Variants in MEFV observed in about 807,000 individuals in gnomAD.
The protein encoded by MEFV is MEFV innate immunity regulator, pyrin.
A neutral mutation model predicts 62.5 loss-of-function variants in MEFV; 60 were observed. The ratio of observed to expected loss-of-function variants is 0.96; its 90% CI spans 0.78 to 1.19. The LOEUF (loss-of-function observed/expected upper bound fraction) is 1.19. Among genes scored for constraint, MEFV ranks in the 50% most tolerant of loss-of-function variants. The pLI is 0.00. For missense variants in MEFV, 1,169 were observed against 1,004.5 expected, an observed-to-expected ratio of 1.16 and a Z score of -2.21; for synonymous variants, 500 against 415.2, an observed-to-expected ratio of 1.20 and a Z score of -2.48.
At chr16:3,248,253 C>A (rs1958974808) in intron 4 of MEFV, among the ~76,000 whole-genome samples, 1 of 151,634 alleles carries the variant, frequency 6.6e-6, no homozygotes, top group African/African-American at 2.4e-5. Flanking sequence ...AGCGAGACTC[C>A]ATCTTGGAAA....
chr16:3,249,790 T>A lies in MEFV; in HGVS notation c.911-10A>T, dbSNP rs762353271. ...GTGTCTGGTGGCCTTCCTGGGGACA[T>A]GCAGTGGAAAAACCCCCTGAATGGC... is the stretch of plus-strand genomic sequence containing the variant. On this transcript the variant is annotated splice_polypyrimidine_tract_variant and intron_variant, in intron 2 of 9. Transcript: ENST00000219596. 6.2e-7 allele frequency: 1 copy of A among 1,611,934 alleles called. No homozygotes were observed. The highest frequency in any genetic ancestry group is 1.1e-5 in the South Asian group (1 of 90,768).
intron 2 of MEFV, among the ~76,000 whole-genome samples, chr16:3,253,822 A>G (rs1308932321): frequency 6.6e-6 from 1 of 151,908 alleles, no homozygotes; most frequent in Admixed American, 6.6e-5. Context: ...GCGTGCCACT[A>G]TTGTATTTTG....
chr16:3,251,483 C>G (rs934534839), intron 2 of MEFV, among the ~76,000 whole-genome samples: 1 of 152,168 alleles, frequency 6.6e-6, no homozygotes, highest in Non-Finnish European at 1.5e-5. Flanking sequence ...GCCCACGGAT[C>G]TGCCTGGGAC....
Position 3,254,183 on chromosome 16 carries a change from A to C in MEFV, c.885T>G (p.Pro295=). 1 of 1,614,208 alleles carries C rather than the reference A, an allele frequency of 6.2e-7. No individual in the cohort carries two copies. Among genetic ancestry groups the C allele is most frequent in the Non-Finnish European group, 8.5e-7 (1 of 1,180,032 alleles). The change falls in exon 2 of 10, where the codon CCT becomes CCG. Residue 295 remains proline (P), a synonymous_variant. Coordinates refer to ENST00000219596, the MANE Select transcript of MEFV (RefSeq NM_000243.3). ...CGGTGACCGAATGTTCTGGATTTCC[A>C]GGGCCTTCCTTCAGGTCCGCAGATG... The part of the protein sequence containing the change: ...GGASADLKEG[P]GNPEHSVTGR...
chr16:3,244,309 G>T (rs1246399213), intron 7 of MEFV, 23 bp from the exon 8 acceptor site: 1 of 1,613,916 alleles, frequency 6.2e-7, no homozygotes, highest in Non-Finnish European at 8.5e-7. Context: ...AAAGGGAGCA[G>T]AGAGAAGCTG....
rs200766991 is a variant in MEFV, at chr16:3,254,483, C to G, written c.585G>C (p.Glu195Asp). 1.5e-5 allele frequency: 24 copies of G among 1,588,712 alleles called. No individual in the cohort carries two copies. The African/African-American group carries it at 2.0e-4, about 13-fold the overall frequency. The change falls in exon 2 of 10, where the codon GAG (glutamate) becomes GAC (aspartate). Residue 195 changes from glutamate (E) to aspartate (D), a missense_variant. Glu to Asp is a conservative substitution (Grantham distance 45). Transcript: ENST00000219596. ...GCAGCCGGACCTCGGCCTGGCCCCC[C>G]TCTAGCGCCCTGCAGGGGCCGGGGC... ...GRSPGPCRAL[E>D]GGQAEVRLRR...
intron 6 of MEFV, 43 bp downstream of exon 6, chr16:3,246,482 T>C (rs1420882065): frequency 3.7e-6 from 6 of 1,613,220 alleles, no homozygotes; most frequent in Non-Finnish European, 5.1e-6. Flanking sequence ...CCCATATGCT[T>C]TCTGCAAGAC....
intron 6 of MEFV, among the ~76,000 whole-genome samples, chr16:3,245,829 G>A (rs1958934799): frequency 6.6e-6 from 1 of 152,036 alleles, no homozygotes; most frequent in Non-Finnish European, 1.5e-5. Context: ...TTCTGGGTAG[G>A]TACCCAAAAT....
rs1218212372 is a variant in MEFV at position 3,254,636 on chromosome 16, G to A, written c.432C>T (p.Cys144=). ...PYGGGAASLR[C]SQPEAGRGLS... is the part of the protein sequence containing the mutation. Reference sequence around the variant, plus strand: ...GCCCCCTCCCGGCCTCGGGCTGGCTGCACCGCAGGCTGGCAGCTCCGCCCC... The same window carrying A: ...GCCCCCTCCCGGCCTCGGGCTGGCTACACCGCAGGCTGGCAGCTCCGCCCC... Residue 144 remains cysteine, a synonymous_variant, in exon 2 of 10, where the codon TGC becomes TGT. Transcript: ENST00000219596. 2 of 1,606,832 alleles carry A rather than the reference G, an allele frequency of 1.2e-6. No homozygotes were observed. Among genetic ancestry groups the A allele is most frequent in the South Asian group, 1.1e-5 (1 of 90,954 alleles).
chr16:3,249,353 A>G, intron 3 of MEFV, 78 bp downstream of exon 3: 10 of 1,308,722 alleles, frequency 7.6e-6, no homozygotes, highest in Non-Finnish European at 7.7e-6. Flanking sequence ...AACAACCCAG[A>G]GTTGTTGGGA....
Position 3,249,672 on chromosome 16 carries a change from C to T in MEFV, c.1019G>A (p.Gly340Glu). 1 of 1,612,838 alleles carries T rather than the reference C, an allele frequency of 6.2e-7. No individual in the cohort carries two copies. The highest frequency in any genetic ancestry group is 8.5e-7 in the Non-Finnish European group (1 of 1,179,102). The change falls in exon 3 of 10, where the codon GGG (glycine) becomes GAG (glutamate). Residue 340 changes from glycine to glutamate, a missense_variant. Coordinates refer to ENST00000219596, the MANE Select transcript of MEFV (RefSeq NM_000243.3). ...GCGGCTGCCTGAGGCCTGGGGGTGC[C>T]CAGAAACTGCCTCGGGGAAGCTGCA... ...DSCSFPEAVS[G>E]HPQASGSRSP... is the part of the protein sequence containing the mutation.
chr16:3,253,876 C>T (rs927475028), intron 2 of MEFV, among the ~76,000 whole-genome samples: 44 of 152,134 alleles, frequency 2.9e-4, no homozygotes, highest in African/African-American at 1.0e-3. Context: ...GTATGGAACT[C>T]CTGGGGTCAA....
Position 3,249,741 on chromosome 16 carries a change from G to C in MEFV, c.950C>G (p.Ala317Gly). ...ACCGTCAACTGGGTCTCCTTCCTGG[G>C]CGTGGCAGCGGGGACTCGCAGCCGT... is the stretch of plus-strand genomic sequence containing the variant. Reference protein sequence around the residue: ...PDTAASPRCHAQEGDPVDGTC... With the variant: ...PDTAASPRCHGQEGDPVDGTC... The change falls in exon 3 of 10, where the codon GCC (alanine) becomes GGC (glycine). Residue 317 changes from alanine to glycine, a missense_variant. Coordinates refer to ENST00000219596, the MANE Select transcript of MEFV (RefSeq NM_000243.3). The C allele has an allele frequency of 6.2e-7, 1 of 1,614,166 alleles. No individual in the cohort carries two copies. Among genetic ancestry groups the C allele is most frequent in the Non-Finnish European group, 8.5e-7 (1 of 1,179,994 alleles).
At position 3,242,771 on chromosome 16, in the gene MEFV, C is replaced by G. The variant is rs1958875363; in HGVS notation, c.*370G>C. On this transcript the variant is annotated 3_prime_UTR_variant, in exon 10 of 10. Transcript: ENST00000219596. ...CGTTTCTCTAGGCTTCCCATATCCT[C>G]AAGACAGAAGCAGAGAGAACAAGGG... The G allele has an allele frequency of 3.0e-6, 1 of 336,686 alleles. No homozygotes were observed. The highest frequency in any genetic ancestry group is 2.1e-5 in the African/African-American group (1 of 47,248). The allele number at this position is 336,686 out of a possible 1,614,324, so 20.9% of individuals were successfully genotyped here. A position where few individuals can be genotyped will look rare whatever the true frequency, so the allele number is the denominator to read the frequency against.
chr16:3,250,268 G>A (rs982098058), intron 2 of MEFV, among the ~76,000 whole-genome samples: 3 of 152,298 alleles, frequency 2.0e-5, no homozygotes, highest in African/African-American at 4.8e-5. Context: ...ATTGAATGAA[G>A]GAATAAATAG....
chr16:3,246,454 C>G, intron 6 of MEFV, 71 bp downstream of exon 6: 1 of 1,574,830 alleles, frequency 6.3e-7, no homozygotes. Flanking sequence ...CTCCCAGGTC[C>G]CTTCTGGGAC....
chr16:3,253,751 A>C (rs901896281), intron 2 of MEFV, among the ~76,000 whole-genome samples: 8 of 151,986 alleles, frequency 5.3e-5, no homozygotes, highest in Non-Finnish European at 1.0e-4. Flanking sequence ...GCATGATCTC[A>C]GCTCACTGTA....
chr16:3,251,154 A>T (rs1163079130), intron 2 of MEFV, among the ~76,000 whole-genome samples: 1 of 152,108 alleles, frequency 6.6e-6, no homozygotes, highest in East Asian at 1.9e-4. Context: ...AGTCACCAGA[A>T]ATTATTCTCC....
rs769604032 is a variant in MEFV, at chr16:3,254,395, C to T, written c.673G>A (p.Glu225Lys). The T allele has an allele frequency of 5.0e-6, 8 of 1,613,736 alleles. No homozygotes were observed. The East Asian group carries it at 1.3e-4, about 27-fold the overall frequency. The change falls in exon 2 of 10, where the codon GAG (glutamate) becomes AAG (lysine). Residue 225 changes from glutamate (E) to lysine (K), a missense_variant. Glu to Lys is a moderately conservative substitution (Grantham distance 56). Coordinates refer to ENST00000219596, the MANE Select transcript of MEFV (RefSeq NM_000243.3). ...GLAGGAPGQK[E>K]CRPFEVYLPS... The stretch of plus-strand genomic sequence containing the variant: ...AGGTACACTTCGAAGGGCCTGCACT[C>T]CTTCTGCCCCGGGGCGCCCCCCGCC...
Sources: gnomAD v4.1 joint callset for allele counts (sites outside exome capture counted in the v4.1 genomes callset) on GRCh38, gnomAD v4.1.1 for gene constraint, MANE v1.5 for transcripts, NCBI Gene and HGNC (gene_info 2026-07-23, HGNC 2026-07-21) for gene names.